DCAF8L2: variants seen among roughly 807,000 people sequenced by gnomAD.
The protein encoded by DCAF8L2 is DDB1- and CUL4-associated factor 8-like protein 2.
For missense variants in DCAF8L2, 430 were observed against 490.7 expected (o/e 0.88, Z 1.17); for synonymous variants, 200 against 190.9 (o/e 1.05, Z -0.39).
chrX:27,532,738 T>G, the DCAF8L2 span, among the ~76,000 whole-genome samples: 2 of 96,015 alleles, frequency 2.1e-5, no homozygotes, highest in Admixed American at 1.2e-4. Flanking sequence ...ATTTATTTAT[T>G]TATTTATTTA....
At chrX:27,697,942 G>A (rs5926859) in intron 3 of DCAF8L2, among the ~76,000 whole-genome samples, 55,465 of 109,561 alleles carry the variant, frequency 0.51, 10,682 homozygotes, top group African/African-American at 0.66. Context: ...AAGTATACGT[G>A]TATATAAGAA....
intron 3 of DCAF8L2, among the ~76,000 whole-genome samples, chrX:27,711,398 C>T (rs749082329): frequency 1.3e-4 from 12 of 94,954 alleles, no homozygotes; most frequent in Non-Finnish European, 2.1e-4. Flanking sequence ...TGTGTGTGTA[C>T]GTGTGTGTGT....
At chrX:27,522,558 C>T in the DCAF8L2 span, among the ~76,000 whole-genome samples, 1 of 111,776 alleles carries the variant, frequency 8.9e-6, no homozygotes, top group African/African-American at 3.2e-5. Flanking sequence ...AGAACTTCTT[C>T]ATTTTAAATA....
intron 1 of DCAF8L2, among the ~76,000 whole-genome samples, chrX:27,605,105 A>G (rs1023324363): frequency 3.6e-5 from 4 of 111,372 alleles, no homozygotes; most frequent in African/African-American, 9.8e-5. Flanking sequence ...GACCTGTGTT[A>G]TATATCTGGG....
chrX:27,544,093 G>A, the DCAF8L2 span, among the ~76,000 whole-genome samples: 1 of 111,422 alleles, frequency 9.0e-6, no homozygotes, highest in Non-Finnish European at 1.9e-5. Flanking sequence ...AAGCCTGAAA[G>A]TAATTTTTAT....
the DCAF8L2 span, among the ~76,000 whole-genome samples, chrX:27,531,488 A>G: frequency 8.9e-6 from 1 of 111,907 alleles, no homozygotes; most frequent in African/African-American, 3.2e-5. Flanking sequence ...CCATTAAAAT[A>G]TGGCCATATA....
the DCAF8L2 span, among the ~76,000 whole-genome samples, chrX:27,582,314 A>C: frequency 4.5e-5 from 5 of 111,844 alleles, no homozygotes; most frequent in Non-Finnish European, 9.4e-5. Flanking sequence ...TCACTGAACT[A>C]TACATAGTAT....
At chrX:27,603,718 T>G (rs1475095907) in intron 1 of DCAF8L2, among the ~76,000 whole-genome samples, 2 of 112,113 alleles carry the variant, frequency 1.8e-5, no homozygotes, top group Non-Finnish European at 3.8e-5. Context: ...TCAACACTGA[T>G]AGCCATAGGT....
the DCAF8L2 span, among the ~76,000 whole-genome samples, chrX:27,488,541 G>A: frequency 0.042 from 3,381 of 80,909 alleles, 82 homozygotes; most frequent in African/African-American, 0.15. Context: ...GTGTGTGTGT[G>A]TGTGTGTGTG....
intron 3 of DCAF8L2, among the ~76,000 whole-genome samples, chrX:27,714,922 T>G (rs1196449595): frequency 8.9e-6 from 1 of 111,764 alleles, no homozygotes; most frequent in Non-Finnish European, 1.9e-5. Context: ...TTTTTATTTT[T>G]TTAGTTAAAG....
At chrX:27,647,557 A>T (rs1287525615) in intron 2 of DCAF8L2, among the ~76,000 whole-genome samples, 2 of 111,947 alleles carry the variant, frequency 1.8e-5, no homozygotes, top group African/African-American at 6.5e-5. Flanking sequence ...TGTACCACAG[A>T]ACCTAAAAAC....
At chrX:27,517,458 G>T in the DCAF8L2 span, among the ~76,000 whole-genome samples, 1 of 107,869 alleles carries the variant, frequency 9.3e-6, no homozygotes, top group Non-Finnish European at 1.9e-5. Context: ...CCACACATAC[G>T]CATTTGTCAG....
In DCAF8L2 at chrX:27,697,920, T is replaced by C. The variant is rs927334675; in HGVS notation, c.-142-18168T>C. Among the ~76,000 whole-genome samples, 3 of 111,259 alleles carry C rather than the reference T, an allele frequency of 2.7e-5. No homozygotes were observed. In the Admixed American group the frequency reaches 2.9e-4, roughly 11 times the overall value. ...TATTCGCATAAATATATAAGAATCA[T>C]ACAATTGTCATAAGTATACGTGTAT... On this transcript the variant is annotated intron_variant, in intron 3 of 4. Coordinates refer to ENST00000451261, the MANE Select transcript of DCAF8L2 (RefSeq NM_001353450.2).
intron 4 of DCAF8L2, among the ~76,000 whole-genome samples, chrX:27,720,499 G>C (rs1486444989): frequency 9.1e-6 from 1 of 110,115 alleles, no homozygotes; most frequent in African/African-American, 3.3e-5. Context: ...TCAGCCTCCC[G>C]AGTAGCTGGG....
the DCAF8L2 span, among the ~76,000 whole-genome samples, chrX:27,488,692 T>A: frequency 9.0e-6 from 1 of 111,253 alleles, no homozygotes; most frequent in Non-Finnish European, 1.9e-5. Flanking sequence ...GGTCTCAGTC[T>A]GTCGCCCAAG....
At chrX:27,663,288 C>T (rs1467078208) in intron 2 of DCAF8L2, among the ~76,000 whole-genome samples, 1 of 111,990 alleles carries the variant, frequency 8.9e-6, no homozygotes, top group African/African-American at 3.2e-5. Flanking sequence ...CTTTATTGCA[C>T]TTGGCAGATA....
intron 1 of DCAF8L2, among the ~76,000 whole-genome samples, chrX:27,605,062 T>A (rs1432214890): frequency 1.8e-5 from 2 of 111,586 alleles, no homozygotes; most frequent in Non-Finnish European, 3.8e-5. Flanking sequence ...ACACATTGGT[T>A]CAAGTGTCTA....
chrX:27,593,974 C>CATT (rs763799011), intron 1 of DCAF8L2, among the ~76,000 whole-genome samples: 188 of 112,211 alleles, frequency 1.7e-3, no homozygotes, highest in African/African-American at 5.2e-3. Context: ...TAGACGCAGA[C>CATT]ATTACTGCAC....
chrX:27,501,510 G>T, the DCAF8L2 span, among the ~76,000 whole-genome samples: 6 of 111,450 alleles, frequency 5.4e-5, no homozygotes, highest in Non-Finnish European at 1.1e-4. Flanking sequence ...GAGCTCAACT[G>T]AGCTGAGAAA....
Sources: gnomAD v4.1 joint callset for allele counts (sites outside exome capture counted in the v4.1 genomes callset) on GRCh38, gnomAD v4.1.1 for gene constraint, MANE v1.5 for transcripts, NCBI Gene and HGNC (gene_info 2026-07-23, HGNC 2026-07-21) for gene names.